The following RYR2 variants were observed in gnomAD, a reference collection of about 807,000 sequenced individuals.
RYR2 encodes ryanodine receptor 2.
Under a neutral mutation model 601.1 loss-of-function variants are expected in RYR2, and 227 were observed. The ratio of observed to expected loss-of-function variants is 0.38; its 90% CI spans 0.34 to 0.42. The LOEUF is 0.42. Among genes scored for constraint, RYR2 ranks in the 10% least tolerant of loss-of-function variants. RYR2 has a pLI of 1.00. For missense variants in RYR2, 4,646 were observed against 6,156.5 expected, an observed-to-expected ratio of 0.75 and a Z score of 8.21; for synonymous variants, 2,223 against 2,175.1, an observed-to-expected ratio of 1.02 and a Z score of -0.61.
rs71180097 is a variant in RYR2, at chr1:237,542,058, C to CTTTATTTA, written c.2907-6329_2907-6322dup. On this transcript the variant is annotated intron_variant, in intron 25 of 104. Transcript: ENST00000366574. The stretch of plus-strand genomic sequence containing the variant: ...TTTCTATAAAGGTATACATTTTTGT[C>CTTTATTTA]TTTATTTATTTATTTATTTATTTAT... Among the ~76,000 whole-genome samples the CTTTATTTA allele has an allele frequency of 2.6e-4, 39 of 148,414 alleles. 1 individual carries two copies. Among genetic ancestry groups the CTTTATTTA allele is most frequent in the Admixed American group, 1.0e-3 (15 of 15,030 alleles).
At chr1:237,741,596 C>CT (rs1315288402) in intron 79 of RYR2, among the ~76,000 whole-genome samples, 3 of 151,954 alleles carry the variant, frequency 2.0e-5, no homozygotes, top group African/African-American at 7.2e-5. Flanking sequence ...TTTTCAGACT[C>CT]TTTTTTCTTT....
Position 237,707,085 on chromosome 1 carries a change from G to T in RYR2, c.9717G>T (p.Leu3239=). The T allele has an allele frequency of 6.2e-7, 1 of 1,613,922 alleles. No individual in the cohort carries two copies. The highest frequency in any genetic ancestry group is 8.5e-7 in the Non-Finnish European group (1 of 1,179,858). The change falls in exon 68 of 105, where the codon CTG becomes CTT. Residue 3239 remains leucine (L), a synonymous_variant. Transcript: ENST00000366574. Reference sequence around the variant, plus strand: ...TGCCACATGTCATGGAAGTCATACTGCCCATGCTTTGCAGCTACATGTCTC... The same window carrying T: ...TGCCACATGTCATGGAAGTCATACTTCCCATGCTTTGCAGCTACATGTCTC... ...TQMPHVMEVI[L]PMLCSYMSRW...
chr1:237,258,195 GA>G (rs1444489812), intron 1 of RYR2, among the ~76,000 whole-genome samples: 1 of 149,456 alleles, frequency 6.7e-6, no homozygotes, highest in African/African-American at 2.5e-5. Context: ...GAAAGAAAAA[GA>G]AAAAAAGAAA....
intron 2 of RYR2, among the ~76,000 whole-genome samples, chr1:237,320,232 G>A (rs1451614104): frequency 6.6e-6 from 1 of 152,056 alleles, no homozygotes; most frequent in Non-Finnish European, 1.5e-5. Context: ...GTCATGGGGG[G>A]AGGTGCATAT....
intron 4 of RYR2, among the ~76,000 whole-genome samples, chr1:237,359,099 C>T (rs917633665): frequency 2.6e-5 from 4 of 152,054 alleles, no homozygotes; most frequent in Non-Finnish European, 5.9e-5. Flanking sequence ...TTGAAAATAT[C>T]GTAAGCCAAA....
At chr1:237,171,755 G>A (rs947505093) in intron 1 of RYR2, among the ~76,000 whole-genome samples, 18 of 152,226 alleles carry the variant, frequency 1.2e-4, no homozygotes, top group East Asian at 7.7e-4. Flanking sequence ...CTTCATCTGC[G>A]TCTGCCTCAT....
At chr1:237,727,237 AT>A in intron 76 of RYR2, 38 bp downstream of exon 76, 1 of 994,052 alleles carries the variant, frequency 1.0e-6, no homozygotes, top group South Asian at 1.9e-5. Flanking sequence ...GATCAATGTT[AT>A]TTTTTCCTAG....
At chr1:237,801,782 C>A (rs1426986985) in intron 97 of RYR2, 74 bp from the exon 98 acceptor site, 5 of 884,776 alleles carry the variant, frequency 5.7e-6, no homozygotes, top group East Asian at 2.5e-5. Flanking sequence ...ATGTGAAGGC[C>A]GTCAGGCTCT....
intron 12 of RYR2, among the ~76,000 whole-genome samples, chr1:237,428,858 A>C (rs1706486578): frequency 6.6e-6 from 1 of 152,090 alleles, no homozygotes; most frequent in African/African-American, 2.4e-5. Flanking sequence ...AATCTCCAGG[A>C]GCTACGAGGA....
At chr1:237,299,827 G>A (rs77339950) in intron 2 of RYR2, among the ~76,000 whole-genome samples, 1,612 of 152,240 alleles carry the variant, frequency 0.011, 14 homozygotes, top group Non-Finnish European at 0.018. Context: ...TGTGGATCCC[G>A]GAGATGCTGA....
At position 237,529,857 on chromosome 1, in the gene RYR2, A is replaced by G. The variant is rs571438502; in HGVS notation, c.2823-570A>G. Among the ~76,000 whole-genome samples, 9 of 152,006 alleles carry G rather than the reference A, an allele frequency of 5.9e-5. No individual in the cohort carries two copies. In the South Asian group the frequency reaches 1.7e-3, roughly 28 times the overall value. On this transcript the variant is annotated intron_variant, in intron 24 of 104. Transcript: ENST00000366574. Reference sequence around the variant, plus strand: ...CCCAGCAGGATATCGAAGAATTGTTAACAATTGATGCCTTTAGAGGAAGGA... The same window carrying G: ...CCCAGCAGGATATCGAAGAATTGTTGACAATTGATGCCTTTAGAGGAAGGA...
intron 3 of RYR2, 103 bp downstream of exon 3, chr1:237,331,085 A>G: frequency 1.1e-6 from 1 of 925,370 alleles, no homozygotes; most frequent in East Asian, 2.5e-5. Flanking sequence ...TGCTAAAATA[A>G]GTCCATGCCT....
intron 1 of RYR2, among the ~76,000 whole-genome samples, chr1:237,232,724 C>T (rs1052862924): frequency 1.3e-5 from 2 of 151,928 alleles, no homozygotes; most frequent in African/African-American, 2.4e-5. Context: ...AGCCCTTAAC[C>T]GGGGAATCTG....
intron 2 of RYR2, among the ~76,000 whole-genome samples, chr1:237,327,721 A>G (rs1696302546): frequency 6.6e-6 from 1 of 152,232 alleles, no homozygotes; most frequent in Non-Finnish European, 1.5e-5. Context: ...ACTAATGATA[A>G]TAGCTCACTT....
chr1:237,418,710 A>G (rs149610801), intron 11 of RYR2, among the ~76,000 whole-genome samples: 16 of 151,706 alleles, frequency 1.1e-4, no homozygotes, highest in African/African-American at 3.9e-4. Flanking sequence ...ACTACATCCT[A>G]CTCCTCTGCA....
intron 3 of RYR2, among the ~76,000 whole-genome samples, chr1:237,343,483 A>T (rs184278334): frequency 5.3e-5 from 8 of 152,284 alleles, no homozygotes; most frequent in African/African-American, 1.9e-4. Flanking sequence ...CCAGAATAGG[A>T]CATAAATGGA....
At chr1:237,617,158 C>A in intron 37 of RYR2, 128 bp from the exon 38 acceptor site, 1 of 900,152 alleles carries the variant, frequency 1.1e-6, no homozygotes, top group Non-Finnish European at 1.7e-6. Context: ...GCTGCCTATA[C>A]AAAATCAGGA....
intron 62 of RYR2, among the ~76,000 whole-genome samples, chr1:237,682,224 A>G (rs1221834481): frequency 6.6e-6 from 1 of 152,118 alleles, no homozygotes; most frequent in Admixed American, 6.5e-5. Context: ...ATTTCATGGA[A>G]CTATACACCA....
At chr1:237,773,228 G>C (rs1694408584) in intron 86 of RYR2, among the ~76,000 whole-genome samples, 2 of 152,276 alleles carry the variant, frequency 1.3e-5, no homozygotes, top group South Asian at 4.1e-4. Flanking sequence ...ATATGCTCCA[G>C]TCTTAATGAA....
Sources: allele counts gnomAD v4.1 joint callset (sites outside exome capture counted in the v4.1 genomes callset), GRCh38; gene constraint gnomAD v4.1.1; transcripts MANE v1.5; gene names NCBI Gene and HGNC (gene_info 2026-07-23, HGNC 2026-07-21).